KHDRBS2: variants seen among roughly 807,000 people sequenced by gnomAD.
KHDRBS2 encodes KH RNA binding domain containing, signal transduction associated 2.
Under a neutral mutation model 44.3 loss-of-function variants are expected in KHDRBS2, and 26 were observed. The ratio of observed to expected loss-of-function variants is 0.59; its 90% confidence interval spans 0.43 to 0.81. The LOEUF (loss-of-function observed/expected upper bound fraction) is 0.81. KHDRBS2 is among the 40% of genes least tolerant of loss of function. KHDRBS2 has a pLI of 0.00. For missense variants in KHDRBS2, 476 were observed against 433.1 expected, an observed-to-expected ratio of 1.10 and a Z score of -0.88; for synonymous variants, 194 against 151.1, an observed-to-expected ratio of 1.28 and a Z score of -2.08.
At chr6:61,899,349 T>G (rs1249567393) in intron 5 of KHDRBS2, among the ~76,000 whole-genome samples, 2 of 151,934 alleles carry the variant, frequency 1.3e-5, no homozygotes, top group Non-Finnish European at 2.9e-5. Context: ...AAATTCTGTT[T>G]CATTTCCTTT....
chr6:61,719,574 T>G (rs1240477945), intron 7 of KHDRBS2, among the ~76,000 whole-genome samples: 2 of 152,034 alleles, frequency 1.3e-5, no homozygotes, highest in Non-Finnish European at 2.9e-5. Context: ...AGTATGTGAG[T>G]TCCCCTGGAA....
chr6:62,091,298 G>A (rs1799458553), intron 2 of KHDRBS2, among the ~76,000 whole-genome samples: 1 of 151,912 alleles, frequency 6.6e-6, no homozygotes. Flanking sequence ...TTTTTCATTA[G>A]ATTATGTAAT....
chr6:62,078,157 C>T (rs573128869), intron 2 of KHDRBS2, among the ~76,000 whole-genome samples: 14 of 152,128 alleles, frequency 9.2e-5, no homozygotes, highest in African/African-American at 3.1e-4. Context: ...AATCATGTAA[C>T]ACCCTGACAT....
chr6:62,128,229 A>C (rs1473620188), intron 2 of KHDRBS2, among the ~76,000 whole-genome samples: 3 of 152,130 alleles, frequency 2.0e-5, no homozygotes, highest in African/African-American at 7.2e-5. Context: ...TCCCTATAGA[A>C]TTATGGGCCT....
At chr6:61,641,030 T>C in the KHDRBS2 span, among the ~76,000 whole-genome samples, 17 of 152,114 alleles carry the variant, frequency 1.1e-4, no homozygotes, top group African/African-American at 1.9e-4. Flanking sequence ...AAGCATAAAA[T>C]CTAAGTTATA....
chr6:61,960,661 C>T (rs991734211), intron 4 of KHDRBS2, among the ~76,000 whole-genome samples: 1 of 152,012 alleles, frequency 6.6e-6, no homozygotes, highest in Non-Finnish European at 1.5e-5. Flanking sequence ...TAACAAAACT[C>T]GAAATTCAGT....
the KHDRBS2 span, among the ~76,000 whole-genome samples, chr6:61,651,882 A>C: frequency 6.6e-6 from 1 of 152,148 alleles, no homozygotes; most frequent in Non-Finnish European, 1.5e-5. Context: ...ATGCCCAATT[A>C]GCTTTTTTGC....
intron 6 of KHDRBS2, among the ~76,000 whole-genome samples, chr6:61,769,855 C>T (rs960305773): frequency 6.6e-6 from 1 of 152,208 alleles, no homozygotes; most frequent in Non-Finnish European, 1.5e-5. Flanking sequence ...TCCCAGCACG[C>T]AGCTTGAGAT....
intron 3 of KHDRBS2, among the ~76,000 whole-genome samples, chr6:62,022,954 T>A (rs1240484605): frequency 6.6e-6 from 1 of 151,704 alleles, no homozygotes; most frequent in Non-Finnish European, 1.5e-5. Context: ...AGCAAGAAGC[T>A]ATCATCTTCA....
At chr6:61,784,428 T>C (rs1783475959) in intron 6 of KHDRBS2, among the ~76,000 whole-genome samples, 1 of 151,824 alleles carries the variant, frequency 6.6e-6, no homozygotes, top group Admixed American at 6.6e-5. Context: ...TCTATACAAA[T>C]GTAATATGAG....
intron 6 of KHDRBS2, among the ~76,000 whole-genome samples, chr6:61,784,255 T>TA (rs1450341093): frequency 6.6e-6 from 1 of 151,754 alleles, no homozygotes; most frequent in African/African-American, 2.4e-5. Context: ...AGCTTCTCAT[T>TA]AAGCATATGA....
At chr6:62,122,944 A>C (rs1808045018) in intron 2 of KHDRBS2, among the ~76,000 whole-genome samples, 1 of 152,032 alleles carries the variant, frequency 6.6e-6, no homozygotes, top group Admixed American at 6.6e-5. Context: ...GTACATGTGA[A>C]CAACGTGCAG....
At chr6:62,142,871 T>A (rs978630549) in intron 2 of KHDRBS2, among the ~76,000 whole-genome samples, 4 of 148,756 alleles carry the variant, frequency 2.7e-5, no homozygotes, top group Non-Finnish European at 4.4e-5. Context: ...TAATATTATA[T>A]ATCATCACAT....
At chr6:62,169,147 G>GTATATATACGTATACATATATGTATATA in intron 2 of KHDRBS2, among the ~76,000 whole-genome samples, 1 of 98,490 alleles carries the variant, frequency 1.0e-5, no homozygotes, top group South Asian at 3.3e-4. Context: ...ACATATATGT[G>GTATATATACGTATACATATATGTATATA]TGTATATATA....
the KHDRBS2 span, among the ~76,000 whole-genome samples, chr6:61,633,462 A>G: frequency 6.6e-6 from 1 of 152,156 alleles, no homozygotes; most frequent in Non-Finnish European, 1.5e-5. Context: ...GATTATTGTC[A>G]GAATTTTAAA....
At chr6:61,638,940 A>T in the KHDRBS2 span, among the ~76,000 whole-genome samples, 2 of 152,200 alleles carry the variant, frequency 1.3e-5, no homozygotes, top group African/African-American at 4.8e-5. Flanking sequence ...TGCTTTATGA[A>T]GTTCTCTCAG....
intron 2 of KHDRBS2, among the ~76,000 whole-genome samples, chr6:62,139,588 A>G (rs1812345495): frequency 1.3e-5 from 2 of 152,198 alleles, no homozygotes; most frequent in South Asian, 2.1e-4. Flanking sequence ...ATGTAATGAC[A>G]AATTTGGAGG....
At chr6:61,713,480 A>T (rs1272170760) in intron 7 of KHDRBS2, among the ~76,000 whole-genome samples, 1 of 151,630 alleles carries the variant, frequency 6.6e-6, no homozygotes, top group Non-Finnish European at 1.5e-5. Context: ...GATCACAAAG[A>T]TCTATCTTTT....
intron 6 of KHDRBS2, among the ~76,000 whole-genome samples, chr6:61,744,992 A>T (rs1249981691): frequency 6.6e-6 from 1 of 152,188 alleles, no homozygotes; most frequent in Non-Finnish European, 1.5e-5. Context: ...ACAAGTTTCA[A>T]AGCTCATCTA....
Sources: allele counts gnomAD v4.1 joint callset (sites outside exome capture counted in the v4.1 genomes callset), GRCh38; gene constraint gnomAD v4.1.1; transcripts MANE v1.5; gene names NCBI Gene and HGNC (gene_info 2026-07-23, HGNC 2026-07-21).